The following SLC36A1 variants were observed in gnomAD, a reference collection of about 807,000 sequenced individuals.
SLC36A1 encodes the protein proton-coupled amino acid transporter 1.
SLC36A1 carries 30 observed loss-of-function variants against 47.5 expected under a neutral mutation model. The observed-to-expected ratio is 0.63, with a 90% CI of 0.47 to 0.86. SLC36A1 has a LOEUF of 0.86. Among genes scored for constraint, SLC36A1 ranks in the 40% least tolerant of loss-of-function variants. The pLI, the probability that SLC36A1 is intolerant of heterozygous loss-of-function variation, is 0.00. For missense variants in SLC36A1, 517 were observed against 606.0 expected (o/e 0.85, Z 1.54); for synonymous variants, 255 against 249.7 (o/e 1.02, Z -0.20).
the SLC36A1 span, chr5:151,534,529 C>A: frequency 6.2e-7 from 1 of 1,614,054 alleles, no homozygotes; most frequent in Non-Finnish European, 8.5e-7. Flanking sequence ...ACATCCTCCA[C>A]ATGGAGGGTG....
At chr5:151,502,176 G>A in the SLC36A1 span, among the ~76,000 whole-genome samples, 1 of 147,706 alleles carries the variant, frequency 6.8e-6, no homozygotes, top group Non-Finnish European at 1.5e-5. Flanking sequence ...GCTGGGTGTG[G>A]TGGTGGGCAC....
At chr5:151,544,923 G>T in the SLC36A1 span, 1 of 1,614,082 alleles carries the variant, frequency 6.2e-7, no homozygotes, top group Non-Finnish European at 8.5e-7. Context: ...GCTTAAATTT[G>T]GGGGGATTGT....
At chr5:151,540,280 TG>T in the SLC36A1 span, among the ~76,000 whole-genome samples, 1 of 152,306 alleles carries the variant, frequency 6.6e-6, no homozygotes, top group African/African-American at 2.4e-5. Flanking sequence ...TGAGGCTTGC[TG>T]GGGAGAAGCA....
chr5:151,349,669 C>G, the SLC36A1 span, among the ~76,000 whole-genome samples: 1 of 152,096 alleles, frequency 6.6e-6, no homozygotes, highest in South Asian at 2.1e-4. Flanking sequence ...GACAGCCTGC[C>G]CACTAGACAT....
chr5:151,362,896 C>CA, the SLC36A1 span, among the ~76,000 whole-genome samples: 19 of 152,150 alleles, frequency 1.2e-4, no homozygotes, highest in African/African-American at 4.6e-4. Context: ...AATGTTTTAT[C>CA]AGAGAGCTCA....
the SLC36A1 span, among the ~76,000 whole-genome samples, chr5:151,424,364 T>A: frequency 2.0e-5 from 3 of 152,164 alleles, no homozygotes; most frequent in Non-Finnish European, 4.4e-5. Context: ...GGACAGGTTT[T>A]AGGGACAAAA....
intron 1 of SLC36A1, among the ~76,000 whole-genome samples, chr5:151,458,284 G>GTA (rs1416811743): frequency 7.1e-6 from 1 of 140,192 alleles, no homozygotes; most frequent in Non-Finnish European, 1.5e-5. Flanking sequence ...GTGTATACGT[G>GTA]TATATATATA....
the SLC36A1 span, among the ~76,000 whole-genome samples, chr5:151,368,727 A>G: frequency 2.0e-5 from 3 of 152,182 alleles, no homozygotes; most frequent in Non-Finnish European, 2.9e-5. Flanking sequence ...TTGGTGATCA[A>G]TCATGGGGAG....
At chr5:151,520,101 C>G in the SLC36A1 span, among the ~76,000 whole-genome samples, 1 of 152,244 alleles carries the variant, frequency 6.6e-6, no homozygotes, top group African/African-American at 2.4e-5. Flanking sequence ...GAAGCCCACC[C>G]AGCCTAAATC....
At chr5:151,536,928 G>A in the SLC36A1 span, among the ~76,000 whole-genome samples, 1 of 152,130 alleles carries the variant, frequency 6.6e-6, no homozygotes, top group Non-Finnish European at 1.5e-5. Flanking sequence ...CTTCTGTCAG[G>A]TCCTCAGTGT....
At chr5:151,378,028 G>T in the SLC36A1 span, 2 of 255,220 alleles carry the variant, frequency 7.8e-6, no homozygotes, top group Non-Finnish European at 1.6e-5. Context: ...AAGATAACTG[G>T]AAATGGGCTA....
chr5:151,503,095 A>C, the SLC36A1 span, among the ~76,000 whole-genome samples: 1,950 of 148,126 alleles, frequency 0.013, 150 homozygotes, highest in East Asian at 0.12. Flanking sequence ...GAAGAGTAGG[A>C]AGAGCACAGA....
At chr5:151,508,476 G>A in the SLC36A1 span, among the ~76,000 whole-genome samples, 1,883 of 152,266 alleles carry the variant, frequency 0.012, 40 homozygotes, top group African/African-American at 0.043. Flanking sequence ...TTGGGCAGCC[G>A]AGTCAGCGGG....
At chr5:151,540,567 C>G in the SLC36A1 span, 2 of 1,611,410 alleles carry the variant, frequency 1.2e-6, no homozygotes, top group Non-Finnish European at 8.5e-7. Flanking sequence ...AGGCTCTCAC[C>G]TGTGAACACT....
At chr5:151,363,401 A>C in the SLC36A1 span, among the ~76,000 whole-genome samples, 1 of 152,052 alleles carries the variant, frequency 6.6e-6, no homozygotes, top group African/African-American at 2.4e-5. Context: ...TGATTGTCTT[A>C]CTGTCTGCTT....
intron 2 of SLC36A1, among the ~76,000 whole-genome samples, chr5:151,462,794 A>G (rs533820679): frequency 1.3e-5 from 2 of 148,882 alleles, no homozygotes; most frequent in African/African-American, 2.5e-5. Flanking sequence ...TATTATTATT[A>G]TTTTTTAATT....
the SLC36A1 span, among the ~76,000 whole-genome samples, chr5:151,522,961 G>A: frequency 2.6e-5 from 4 of 152,138 alleles, no homozygotes; most frequent in Non-Finnish European, 5.9e-5. Flanking sequence ...AATCATAAAC[G>A]CATTTTCCTT....
chr5:151,531,804 C>T, the SLC36A1 span: 2 of 1,613,380 alleles, frequency 1.2e-6, no homozygotes. This position sits in a 1 kb window ranked among gnomAD's most constrained non-coding sequence, Gnocchi z 5.7. Flanking sequence ...CCAGCGTGGA[C>T]AGCGGTATTG....
At chr5:151,381,998 A>T in the SLC36A1 span, 1 of 587,430 alleles carries the variant, frequency 1.7e-6, no homozygotes, top group African/African-American at 1.9e-5. Context: ...CTACCATGCT[A>T]AAAATGGCAG....
Sources: gnomAD v4.1 joint callset for allele counts (sites outside exome capture counted in the v4.1 genomes callset) on GRCh38, gnomAD v4.1.1 for gene constraint, Gnocchi (gnomAD v3.1) non-coding constraint, MANE v1.5 for transcripts, NCBI Gene and HGNC (gene_info 2026-07-23, HGNC 2026-07-21) for gene names.